EXOC4: variants seen among roughly 807,000 people sequenced by gnomAD.
EXOC4 encodes SEC8-like 1.
A neutral mutation model predicts 107.2 loss-of-function variants in EXOC4; 71 were observed. The observed-to-expected ratio is 0.66, with a 90% CI of 0.55 to 0.81. The LOEUF is 0.81. Ranked by LOEUF, EXOC4 falls within the 30% of genes least tolerant of loss-of-function variation. The pLI, the probability that EXOC4 is intolerant of heterozygous loss-of-function variation, is 0.00. For synonymous variants in EXOC4, 456 were observed against 441.2 expected (o/e 1.03, Z -0.42); for missense variants, 1,108 against 1,189.6 (o/e 0.93, Z 1.01).
chr7:133,279,090 A>G (rs1378494694), intron 2 of EXOC4, among the ~76,000 whole-genome samples: 2 of 151,158 alleles, frequency 1.3e-5, no homozygotes, highest in Non-Finnish European at 2.9e-5. Context: ...TGTCCTTGCG[A>G]TAGTTTGCTG....
chr7:134,043,428 G>C (rs1795571167), intron 17 of EXOC4, among the ~76,000 whole-genome samples: 2 of 152,198 alleles, frequency 1.3e-5, no homozygotes, highest in Admixed American at 1.3e-4. Context: ...CCCAGCCTGA[G>C]AAAACATTTG....
At position 133,356,553 on chromosome 7, in the gene EXOC4, T is replaced by G; in HGVS notation, c.987T>G (p.Val329=). The G allele has an allele frequency of 6.2e-7, 1 of 1,613,994 alleles. No individual in the cohort carries two copies. The highest frequency in any genetic ancestry group is 1.1e-5 in the South Asian group (1 of 91,078). ...GTGGCTATCAGCGGGGGGAGAACGT[T>G]ACTGTGGAGAACCAACCAAGGTAGG... ...ADSGYQRGEN[V]TVENQPRLLL... is the part of the protein sequence containing the mutation. Residue 329 remains valine, a synonymous_variant, in exon 6 of 18, where the codon GTT becomes GTG. Transcript: ENST00000253861.
At chr7:133,524,732 C>T (rs973213532) in intron 9 of EXOC4, among the ~76,000 whole-genome samples, 37 of 152,058 alleles carry the variant, frequency 2.4e-4, no homozygotes, top group African/African-American at 7.7e-4. Context: ...TCAGGTTTGT[C>T]AAAGATCAGA....
In EXOC4 at chr7:133,274,960, A is replaced by T. The variant is rs982499742; in HGVS notation, c.87-22A>T. On this transcript the variant is annotated intron_variant, in intron 1 of 17. Coordinates refer to ENST00000253861, the MANE Select transcript of EXOC4 (RefSeq NM_021807.4). ...TTACTTTCAAGTTTTACTTAGCTTG[A>T]TATACTCTCTGCCTTCACCAGGACT... 3.9e-6 allele frequency: 6 copies of T among 1,541,218 alleles called. No individual in the cohort carries two copies. In the African/African-American group the frequency reaches 6.9e-5, roughly 18 times the overall value.
At chr7:133,560,420 G>T (rs944375855) in intron 9 of EXOC4, among the ~76,000 whole-genome samples, 1 of 152,098 alleles carries the variant, frequency 6.6e-6, no homozygotes, top group Non-Finnish European at 1.5e-5. Flanking sequence ...GAGTAGCTGG[G>T]ATTACAGGTG....
chr7:133,448,578 T>G (rs6467489), intron 7 of EXOC4, among the ~76,000 whole-genome samples: 151,966 of 152,228 alleles, frequency 1, 75,852 homozygotes, highest in Middle Eastern at 1. Flanking sequence ...CCAAGTGCTG[T>G]GGTTATAGGC....
intron 10 of EXOC4, among the ~76,000 whole-genome samples, chr7:133,763,803 C>T (rs574470154): frequency 7.9e-5 from 12 of 151,318 alleles, no homozygotes; most frequent in Admixed American, 3.3e-4. Flanking sequence ...GGGAAACTTG[C>T]GGAAAGGACT....
chr7:133,432,934 T>A (rs76430931), intron 7 of EXOC4, among the ~76,000 whole-genome samples: 7 of 152,354 alleles, frequency 4.6e-5, no homozygotes, highest in Non-Finnish European at 1.0e-4. Context: ...CAGCACTCTA[T>A]AGCTGTAATG....
chr7:133,986,138 C>T (rs1794108476), intron 14 of EXOC4, among the ~76,000 whole-genome samples: 1 of 152,212 alleles, frequency 6.6e-6, no homozygotes. Flanking sequence ...ATGTCCCCAT[C>T]CTTTGCAATC....
intron 1 of EXOC4, among the ~76,000 whole-genome samples, chr7:133,265,546 T>C (rs1291834832): frequency 6.6e-6 from 1 of 152,160 alleles, no homozygotes; most frequent in East Asian, 1.9e-4. Flanking sequence ...TGAGTACTTT[T>C]AAGAGGGGTC....
At chr7:133,589,040 A>C (rs1264180013) in intron 9 of EXOC4, among the ~76,000 whole-genome samples, 1 of 152,170 alleles carries the variant, frequency 6.6e-6, no homozygotes, top group Non-Finnish European at 1.5e-5. Context: ...AAAAGATACA[A>C]AATAAAAATA....
the EXOC4 span, among the ~76,000 whole-genome samples, chr7:134,077,414 C>G: frequency 6.6e-6 from 1 of 152,232 alleles, no homozygotes; most frequent in Non-Finnish European, 1.5e-5. Context: ...CAGAAACACC[C>G]TCACAGACAA....
intron 9 of EXOC4, among the ~76,000 whole-genome samples, chr7:133,506,222 C>G (rs1799662945): frequency 6.6e-6 from 1 of 152,070 alleles, no homozygotes; most frequent in African/African-American, 2.4e-5. Context: ...AGATGGCACT[C>G]ATGGTAATGT....
At chr7:133,605,556 C>T (rs1339314294) in intron 9 of EXOC4, among the ~76,000 whole-genome samples, 1 of 152,102 alleles carries the variant, frequency 6.6e-6, no homozygotes, top group African/African-American at 2.4e-5. Context: ...AAGGCTTATC[C>T]ATGGTATAGC....
At chr7:133,287,437 A>C (rs1047801598) in intron 2 of EXOC4, among the ~76,000 whole-genome samples, 1 of 151,962 alleles carries the variant, frequency 6.6e-6, no homozygotes, top group African/African-American at 2.4e-5. Context: ...CAGCCTCCCA[A>C]GTAGCTGGGA....
At chr7:133,806,657 G>A (rs962856948) in intron 10 of EXOC4, among the ~76,000 whole-genome samples, 7 of 152,058 alleles carry the variant, frequency 4.6e-5, no homozygotes, top group Non-Finnish European at 8.8e-5. Context: ...CTAACCTTAC[G>A]GGTGAACCTT....
chr7:133,927,790 C>T (rs1180561870), intron 13 of EXOC4, among the ~76,000 whole-genome samples: 1 of 152,104 alleles, frequency 6.6e-6, no homozygotes, highest in African/African-American at 2.4e-5. Flanking sequence ...TAGAACGCTG[C>T]CAGGCAAGTC....
chr7:133,913,919 A>T (rs937382670), intron 12 of EXOC4, among the ~76,000 whole-genome samples: 1 of 152,220 alleles, frequency 6.6e-6, no homozygotes, highest in Non-Finnish European at 1.5e-5. Context: ...AGTTTGGCTA[A>T]GAAAGGTTAG....
chr7:133,538,706 C>T (rs1221610088), intron 9 of EXOC4, among the ~76,000 whole-genome samples: 1 of 152,036 alleles, frequency 6.6e-6, no homozygotes, highest in Non-Finnish European at 1.5e-5. Flanking sequence ...TAGCATGTGT[C>T]TGTACCCCTA....
Sources: gnomAD v4.1 joint callset for allele counts (sites outside exome capture counted in the v4.1 genomes callset) on GRCh38, gnomAD v4.1.1 for gene constraint, MANE v1.5 for transcripts, NCBI Gene and HGNC (gene_info 2026-07-23, HGNC 2026-07-21) for gene names.